The following RIMKLB variants were observed in gnomAD, a reference collection of about 807,000 sequenced individuals.
RIMKLB encodes ribosomal modification protein rimK like family member B.
RIMKLB carries 7 observed loss-of-function variants against 32.0 expected under a neutral mutation model. That is an observed-to-expected ratio of 0.22 (90% CI 0.12 to 0.41). The LOEUF (loss-of-function observed/expected upper bound fraction) is 0.41, where lower values mean the gene tolerates loss of function less well. Among genes scored for constraint, RIMKLB ranks in the 10% least tolerant of loss-of-function variants. RIMKLB has a pLI of 1.00. For missense variants in RIMKLB, 289 were observed against 498.7 expected (o/e 0.58, Z 4.00); for synonymous variants, 172 against 185.1 (o/e 0.93, Z 0.57).
intron 3 of RIMKLB, among the ~76,000 whole-genome samples, 167 bp from the exon 4 acceptor site, chr12:8,751,790 T>C (rs1389857949): frequency 2.6e-5 from 4 of 152,222 alleles, no homozygotes; most frequent in Non-Finnish European, 2.9e-5. Context: ...TAAACTGATA[T>C]TCTGTTATAT....
chr12:8,781,776 ATT>A (rs1951069026), downstream of RIMKLB, among the ~76,000 whole-genome samples: 1 of 149,718 alleles, frequency 6.7e-6, no homozygotes, highest in East Asian at 1.9e-4. Context: ...CTTCATTAGA[ATT>A]TGACTAGACT....
chr12:8,770,753 C>T (rs1950335934), intron 5 of RIMKLB, among the ~76,000 whole-genome samples: 1 of 152,190 alleles, frequency 6.6e-6, no homozygotes, highest in Non-Finnish European at 1.5e-5. Context: ...TCAGATCTGA[C>T]AGGTTGAGGG....
intron 5 of RIMKLB, among the ~76,000 whole-genome samples, chr12:8,758,745 G>T (rs1210729216): frequency 6.6e-6 from 1 of 151,892 alleles, no homozygotes; most frequent in African/African-American, 2.4e-5. Flanking sequence ...TTCTTTTTTC[G>T]AAATGAATAA....
chr12:8,712,927 T>TA (rs970550959), intron 1 of RIMKLB, among the ~76,000 whole-genome samples: 13 of 152,082 alleles, frequency 8.5e-5, no homozygotes, highest in African/African-American at 2.9e-4. Flanking sequence ...TGGTAAACAT[T>TA]AAAAAAAATC....
intron 4 of RIMKLB, 78 bp downstream of exon 4, chr12:8,752,121 G>A: frequency 1.1e-6 from 1 of 926,564 alleles, no homozygotes; most frequent in East Asian, 2.5e-5. Flanking sequence ...TTGAAGAATA[G>A]TTAGAGGGAA....
In RIMKLB at chr12:8,753,988, G is replaced by A. The variant is rs1392500127; in HGVS notation, c.592G>A (p.Glu198Lys). ...ATACCTGTTCCAGAAGTATGTTAAA[G>A]AGTCTCATGGACGGGATGTACGTGT... ...APYLFQKYVKESHGRDVRVIV... is the reference protein window; with the variant it reads ...APYLFQKYVKKSHGRDVRVIV... Residue 198 changes from glutamate to lysine, a missense_variant, in exon 5 of 6, where the codon GAG becomes AAG. Transcript: ENST00000535829. The A allele has an allele frequency of 6.2e-7, 1 of 1,613,974 alleles. No individual in the cohort carries two copies.
intron 2 of RIMKLB, chr12:8,742,394 CCTT>C (rs1947641405): frequency 3.8e-6 from 1 of 263,888 alleles, no homozygotes; most frequent in East Asian, 1.2e-4. Flanking sequence ...GTCCATGTGG[CCTT>C]CTCATTGTAA....
At chr12:8,732,957 C>T (rs1200348600) in intron 2 of RIMKLB, among the ~76,000 whole-genome samples, 3 of 151,980 alleles carry the variant, frequency 2.0e-5, no homozygotes, top group Non-Finnish European at 4.4e-5. Context: ...TATTGGTGGA[C>T]GTTTGTGTTG....
intron 1 of RIMKLB, among the ~76,000 whole-genome samples, chr12:8,687,112 C>T (rs773833408): frequency 4.6e-5 from 7 of 152,106 alleles, no homozygotes; most frequent in Non-Finnish European, 8.8e-5. Context: ...TACCTGAATC[C>T]CCCGAGGGCA....
chr12:8,729,248 A>G (rs1172882289), intron 2 of RIMKLB, among the ~76,000 whole-genome samples: 2 of 151,926 alleles, frequency 1.3e-5, no homozygotes, highest in Non-Finnish European at 2.9e-5. Flanking sequence ...TCCAGTGTTG[A>G]GGAGGAATCA....
At chr12:8,700,671 T>C (rs892456279) in intron 1 of RIMKLB, 9 of 152,216 alleles carry the variant, frequency 5.9e-5, no homozygotes, top group East Asian at 1.9e-4. Flanking sequence ...TTCAGTGATA[T>C]ACATTCATAG....
chr12:8,754,176 G>C (rs938302184), intron 5 of RIMKLB, 83 bp downstream of exon 5: 44 of 1,008,032 alleles, frequency 4.4e-5, no homozygotes, highest in Non-Finnish European at 6.4e-5. Context: ...TGTAACTCTA[G>C]ACCTTCTTAA....
chr12:8,782,192 TAAGTTAACCTGGAACAC>T (rs772171908), intron 7 of RIMKLB, among the ~76,000 whole-genome samples: 14 of 152,176 alleles, frequency 9.2e-5, no homozygotes, highest in Non-Finnish European at 1.8e-4. Flanking sequence ...AATTTATTGT[TAAGTTAACCTGGAACAC>T]AAGAGAGCAT....
chr12:8,720,250 T>C lies in RIMKLB; in HGVS notation c.175+6209T>C, dbSNP rs1041982130. The stretch of plus-strand genomic sequence containing the variant: ...TTAAAACACATTCATTAGGAGAATA[T>C]GAGAAGTCATATCATCAGTAACATT... On this transcript the variant is annotated intron_variant, in intron 2 of 5. Transcript: ENST00000535829. 3.9e-5 allele frequency among the ~76,000 whole-genome samples: 6 copies of C among 152,340 alleles called. No individual in the cohort carries two copies. In the East Asian group the frequency reaches 9.6e-4, roughly 24 times the overall value.
chr12:8,764,499 T>A (rs1949790794), intron 5 of RIMKLB, among the ~76,000 whole-genome samples: 1 of 152,192 alleles, frequency 6.6e-6, no homozygotes, highest in Admixed American at 6.5e-5. Context: ...AGTGACTGGC[T>A]GTCCTAGGAC....
chr12:8,741,850 TATACTC>T (rs1947570416), intron 2 of RIMKLB, among the ~76,000 whole-genome samples: 1 of 151,724 alleles, frequency 6.6e-6, no homozygotes, highest in African/African-American at 2.4e-5. Flanking sequence ...ATCATGCAAA[TATACTC>T]ATGTAACAAA....
At position 8,773,817 on chromosome 12, in the gene RIMKLB, A is replaced by G; in HGVS notation, c.*33A>G. 6.4e-7 allele frequency: 1 copy of G among 1,563,424 alleles called. No homozygotes were observed. Among genetic ancestry groups the G allele is most frequent in the Non-Finnish European group, 8.7e-7 (1 of 1,154,664 alleles). ...GGTAATTAACCAACAAAACCCTTGT[A>G]AAACTTTCTTTCTTCTTTTCTATTT... is the stretch of plus-strand genomic sequence containing the variant. On this transcript the variant is annotated 3_prime_UTR_variant, in exon 6 of 6. Transcript: ENST00000535829.
intron 5 of RIMKLB, among the ~76,000 whole-genome samples, chr12:8,759,883 A>G (rs938478116): frequency 7.2e-5 from 11 of 152,226 alleles, no homozygotes; most frequent in African/African-American, 1.9e-4. Flanking sequence ...TAGAGATTCT[A>G]TTAGAGTGTT....
chr12:8,710,965 C>CAAAAAA (rs748394546), intron 1 of RIMKLB, among the ~76,000 whole-genome samples: 1 of 65,768 alleles, frequency 1.5e-5, no homozygotes, highest in Non-Finnish European at 3.1e-5. Flanking sequence ...ACATCTTTAC[C>CAAAAAA]AAAAAAAAAA....
Sources: gnomAD v4.1 joint callset for allele counts (sites outside exome capture counted in the v4.1 genomes callset) on GRCh38, gnomAD v4.1.1 for gene constraint, MANE v1.5 for transcripts, NCBI Gene and HGNC (gene_info 2026-07-23, HGNC 2026-07-21) for gene names.